KMT2C: variants seen among roughly 807,000 people sequenced by gnomAD.
KMT2C encodes histone-lysine N-methyltransferase 2C.
Under a neutral mutation model 507.9 loss-of-function variants are expected in KMT2C, and 88 were observed. The observed-to-expected ratio is 0.17, with a 90% CI of 0.15 to 0.21. The LOEUF (loss-of-function observed/expected upper bound fraction) is 0.21. Ranked by LOEUF, KMT2C falls within the 10% of genes least tolerant of loss-of-function variation. KMT2C has a pLI of 1.00. For synonymous variants in KMT2C, 2,049 were observed against 2,080.8 expected (o/e 0.98, Z 0.42); for missense variants, 4,954 against 5,957.8 (o/e 0.83, Z 5.55).
chr7:152,168,517 G>A (rs1376121754), intron 41 of KMT2C, among the ~76,000 whole-genome samples: 1 of 152,138 alleles, frequency 6.6e-6, no homozygotes, highest in African/African-American at 2.4e-5. Flanking sequence ...TTAAGAACAG[G>A]CTTTTTCACA....
intron 2 of KMT2C, among the ~76,000 whole-genome samples, chr7:152,334,035 A>G (rs1281271173): frequency 6.6e-6 from 1 of 152,218 alleles, no homozygotes; most frequent in Non-Finnish European, 1.5e-5. Context: ...GACCTCATGA[A>G]CAAAATGAAT....
chr7:152,357,443 G>A (rs1437891494), intron 2 of KMT2C, among the ~76,000 whole-genome samples: 3 of 151,886 alleles, frequency 2.0e-5, no homozygotes, highest in Non-Finnish European at 2.9e-5. Context: ...AGAATGGCAT[G>A]AACCTGTGAA....
chr7:152,421,685 C>T (rs2116735509), intron 1 of KMT2C, among the ~76,000 whole-genome samples: 1 of 152,270 alleles, frequency 6.6e-6, no homozygotes, highest in South Asian at 2.1e-4. Flanking sequence ...GAGCTAAACA[C>T]TAAGTACATG....
At chr7:152,178,132 A>G in intron 37 of KMT2C, 122 bp from the exon 38 acceptor site, 1 of 1,027,612 alleles carries the variant, frequency 9.7e-7, no homozygotes, top group Non-Finnish European at 1.3e-6. Context: ...GCCAAATACT[A>G]TGACTTACAA....
chr7:152,141,230 A>ACTC (rs1468648881), intron 55 of KMT2C, among the ~76,000 whole-genome samples: 5 of 151,812 alleles, frequency 3.3e-5, no homozygotes, highest in African/African-American at 4.8e-5. Context: ...ACAGAGTGAG[A>ACTC]CTCCAGAGGC....
chr7:152,303,463 A>G (rs1228250932), intron 6 of KMT2C, among the ~76,000 whole-genome samples: 5 of 152,176 alleles, frequency 3.3e-5, no homozygotes, highest in African/African-American at 9.7e-5. Flanking sequence ...TTTGCCCTTC[A>G]TTGACAAATC....
intron 1 of KMT2C, among the ~76,000 whole-genome samples, chr7:152,407,816 G>A (rs1382142391): frequency 4.6e-5 from 7 of 152,272 alleles, no homozygotes; most frequent in Non-Finnish European, 7.3e-5. Flanking sequence ...TATACAACTT[G>A]AGCAATGATT....
intron 7 of KMT2C, among the ~76,000 whole-genome samples, chr7:152,266,314 G>A (rs1008018907): frequency 4.6e-5 from 7 of 151,406 alleles, no homozygotes; most frequent in African/African-American, 9.7e-5. Flanking sequence ...GCACGATCTC[G>A]GCTTACTGTA....
At chr7:152,367,527 T>C in intron 1 of KMT2C, 5 of 1,164,256 alleles carry the variant, frequency 4.3e-6, no homozygotes, top group Non-Finnish European at 5.1e-6. Flanking sequence ...GAGGCGAACC[T>C]GGATTGGGAA....
rs761832212 is a variant in KMT2C, at chr7:152,222,576, T to A, written c.3430A>T (p.Asn1144Tyr). ...SMCRPYMPAS[N>Y]VPSSDCCESS... The stretch of plus-strand genomic sequence containing the variant: ...ACAGTTTAAATTATTCTCTTACCAT[T>A]AGACGCAGGCATATAGGGTCTGCAC... The change falls in exon 21 of 59, where the codon AAT becomes TAT. Residue 1144 changes from asparagine (N) to tyrosine (Y), a missense_variant. Asn to Tyr is a moderately radical substitution (Grantham distance 143). Coordinates refer to ENST00000262189, the MANE Select transcript of KMT2C (RefSeq NM_170606.3). 1 of 1,544,594 alleles carries A rather than the reference T, an allele frequency of 6.5e-7. No individual in the cohort carries two copies. Among genetic ancestry groups the A allele is most frequent in the South Asian group, 1.1e-5 (1 of 89,326 alleles).
At chr7:152,297,945 G>C (rs1045182489) in intron 6 of KMT2C, among the ~76,000 whole-genome samples, 5 of 152,128 alleles carry the variant, frequency 3.3e-5, no homozygotes, top group African/African-American at 1.2e-4. Flanking sequence ...AAGTTAAATA[G>C]AGACATGGGA....
intron 41 of KMT2C, among the ~76,000 whole-genome samples, chr7:152,168,081 T>C (rs936501227): frequency 6.6e-6 from 1 of 152,190 alleles, no homozygotes; most frequent in Non-Finnish European, 1.5e-5. Flanking sequence ...TATCTCTTCA[T>C]TTTGTACCAA....
chr7:152,350,833 CT>C (rs904255498), intron 2 of KMT2C, among the ~76,000 whole-genome samples: 17 of 152,244 alleles, frequency 1.1e-4, no homozygotes, highest in Admixed American at 2.6e-4. Flanking sequence ...ACTTTATAAA[CT>C]TTTTTTAAAC....
intron 7 of KMT2C, among the ~76,000 whole-genome samples, chr7:152,268,215 G>C (rs1216637438): frequency 2.0e-5 from 3 of 152,126 alleles, no homozygotes; most frequent in African/African-American, 7.2e-5. Context: ...GGAGGTGGAG[G>C]CTGCTGTGAC....
In KMT2C at chr7:152,176,528, T is replaced by C. The variant is rs2093218386; in HGVS notation, c.8925A>G (p.Val2975=). ...LDNAMNSNVT[V]VSRVNHVFSQ... ...AAAAAACATGGTTTACCCTAGAGAC[T>C]ACTGTCACATTAGAATTCATGGCAT... The change falls in exon 38 of 59, where the codon GTA becomes GTG. Residue 2975 remains valine, a synonymous_variant. Coordinates refer to ENST00000262189, the MANE Select transcript of KMT2C (RefSeq NM_170606.3). 3 of 1,614,016 alleles carry C rather than the reference T, an allele frequency of 1.9e-6. No homozygotes were observed. The highest frequency in any genetic ancestry group is 2.7e-5 in the African/African-American group (2 of 74,906).
At chr7:152,194,885 A>T (rs2129130172) in intron 28 of KMT2C, among the ~76,000 whole-genome samples, 1 of 152,214 alleles carries the variant, frequency 6.6e-6, no homozygotes, top group South Asian at 2.1e-4. Context: ...GTTTATGAGA[A>T]ATCGATATGC....
Position 152,135,812 on chromosome 7 carries a change from G to A in KMT2C, c.*1020C>T, listed in dbSNP as rs918093436. 4.3e-6 allele frequency: 1 copy of A among 230,424 alleles called. No individual in the cohort carries two copies. Among genetic ancestry groups the A allele is most frequent in the East Asian group, 6.2e-5 (1 of 16,048 alleles). The allele number at this position is 230,424 out of a possible 1,614,324, so 14.3% of individuals were successfully genotyped here. ...CAAAACAGCTATAAAAGTTGTAGTC[G>A]TAGCATACGCCCCGCTCTGTCAGAA... On this transcript the variant is annotated 3_prime_UTR_variant, in exon 59 of 59. Transcript: ENST00000262189.
intron 31 of KMT2C, among the ~76,000 whole-genome samples, chr7:152,190,263 AC>A (rs1453903316): frequency 1.3e-5 from 2 of 152,188 alleles, no homozygotes; most frequent in African/African-American, 4.8e-5. Flanking sequence ...ATTAGGAGAA[AC>A]AAGAGTTTAT....
intron 31 of KMT2C, among the ~76,000 whole-genome samples, chr7:152,188,346 T>C (rs1018287364): frequency 1.7e-4 from 26 of 152,130 alleles, no homozygotes; most frequent in African/African-American, 5.6e-4. Flanking sequence ...GCAGAATCAA[T>C]TTCTATTTCT....
Sources: gnomAD v4.1 joint callset for allele counts (sites outside exome capture counted in the v4.1 genomes callset) on GRCh38, gnomAD v4.1.1 for gene constraint, MANE v1.5 for transcripts, NCBI Gene and HGNC (gene_info 2026-07-23, HGNC 2026-07-21) for gene names.